PCDHA8: variants seen among roughly 807,000 people sequenced by gnomAD.
PCDHA8 encodes the protein protocadherin alpha 8.
In PCDHA8, 53 loss-of-function variants were observed where a neutral mutation model predicts 61.8. That is an observed-to-expected ratio of 0.86 (90% CI 0.69 to 1.08). The LOEUF (loss-of-function observed/expected upper bound fraction) is 1.08, where lower values mean the gene tolerates loss of function less well. Ranked by LOEUF, PCDHA8 falls within the 50% of genes least tolerant of loss-of-function variation. PCDHA8 has a pLI of 0.00. For synonymous variants in PCDHA8, 618 were observed against 556.6 expected, an observed-to-expected ratio of 1.11 and a Z score of -1.55; for missense variants, 1,293 against 1,245.0, an observed-to-expected ratio of 1.04 and a Z score of -0.58.
Position 140,856,434 on chromosome 5 carries a change from C to T in PCDHA8, c.2394+12719C>T, listed in dbSNP as rs551569829. 39 of 1,598,320 alleles carry T rather than the reference C, an allele frequency of 2.4e-5. 3 individuals carry two copies. The South Asian group carries it at 3.9e-4, about 16-fold the overall frequency. On this transcript the variant is annotated intron_variant, in intron 1 of 3. Coordinates refer to ENST00000531613, the MANE Select transcript of PCDHA8 (RefSeq NM_018911.3). Reference sequence around the variant, plus strand: ...GAAGTGAAGGACATTAACGACAACCCGCCCAGGTTCTCCGTAACAGAACAA... The same window carrying T: ...GAAGTGAAGGACATTAACGACAACCTGCCCAGGTTCTCCGTAACAGAACAA...
At chr5:140,955,207 G>A (rs2153705473) in intron 1 of PCDHA8, among the ~76,000 whole-genome samples, 1 of 152,290 alleles carries the variant, frequency 6.6e-6, no homozygotes, top group South Asian at 2.1e-4. Context: ...CAATCAAGTA[G>A]CATGATGCCT....
intron 1 of PCDHA8, among the ~76,000 whole-genome samples, chr5:140,885,718 C>T (rs2060696401): frequency 6.6e-6 from 1 of 152,124 alleles, no homozygotes; most frequent in South Asian, 2.1e-4. Flanking sequence ...CTAATGTGAT[C>T]TCTGTGAAAT....
intron 1 of PCDHA8, chr5:140,858,052 T>C (rs1281058907): frequency 2.5e-6 from 4 of 1,597,036 alleles, no homozygotes; most frequent in African/African-American, 1.3e-5. Flanking sequence ...TTGTGTCGCT[T>C]GTGGAGGGCA....
At position 140,848,645 on chromosome 5, in the gene PCDHA8, G is replaced by T; in HGVS notation, c.2394+4930G>T. 1.9e-6 allele frequency: 3 copies of T among 1,593,204 alleles called. 1 individual carries two copies. The highest frequency in any genetic ancestry group is 2.6e-6 in the Non-Finnish European group (3 of 1,163,878). Reference sequence around the variant, plus strand: ...GCACCTTCGTGGGCCGCATCGCGCAGGACCTGGGGCTGGAGCTGGCGGAGC... The same window carrying T: ...GCACCTTCGTGGGCCGCATCGCGCATGACCTGGGGCTGGAGCTGGCGGAGC... On this transcript the variant is annotated intron_variant, in intron 1 of 3. Coordinates refer to ENST00000531613, the MANE Select transcript of PCDHA8 (RefSeq NM_018911.3).
intron 1 of PCDHA8, chr5:140,883,477 C>CTACT: frequency 6.2e-7 from 1 of 1,614,172 alleles, no homozygotes; most frequent in Middle Eastern, 1.7e-4. Context: ...CCTACAAGAA[C>CTACT]TACTACTCAT....
chr5:140,968,782 C>G, intron 1 of PCDHA8: 1 of 1,614,192 alleles, frequency 6.2e-7, no homozygotes, highest in South Asian at 1.1e-5. Flanking sequence ...CACTATCAGC[C>G]TCTGTGGCCA....
chr5:140,924,110 CAGTT>C (rs1462987261), intron 1 of PCDHA8, among the ~76,000 whole-genome samples: 2 of 152,206 alleles, frequency 1.3e-5, no homozygotes, highest in Non-Finnish European at 2.9e-5. Flanking sequence ...CATTCCAAAG[CAGTT>C]AGCTTGCTTA....
chr5:140,951,762 A>G (rs2094630710), intron 1 of PCDHA8, among the ~76,000 whole-genome samples: 1 of 152,090 alleles, frequency 6.6e-6, no homozygotes, highest in Non-Finnish European at 1.5e-5. Flanking sequence ...GCGAAATCTC[A>G]TGACGTTCTT....
intron 1 of PCDHA8, among the ~76,000 whole-genome samples, chr5:140,894,986 A>G (rs1380930076): frequency 6.6e-6 from 1 of 152,194 alleles, no homozygotes; most frequent in Non-Finnish European, 1.5e-5. Flanking sequence ...ACTTTGTGAC[A>G]TCCTTTACCC....
rs1490925820 is a variant in PCDHA8, at chr5:140,842,691, A to G, written c.1370A>G (p.Gln457Arg). The change falls in exon 1 of 4, where the codon CAG (glutamine) becomes CGG (arginine). Residue 457 changes from glutamine to arginine, a missense_variant. Coordinates refer to ENST00000531613, the MANE Select transcript of PCDHA8 (RefSeq NM_018911.3). The part of the protein sequence containing the change: ...DVNDNAPAFA[Q>R]PEYTVFVKEN... The stretch of plus-strand genomic sequence containing the variant: ...AACGACAATGCTCCGGCGTTCGCGC[A>G]GCCCGAGTACACGGTGTTCGTGAAG... The G allele has an allele frequency of 1.9e-6, 3 of 1,595,232 alleles. 1 individual carries two copies. Among genetic ancestry groups the G allele is most frequent in the Non-Finnish European group, 2.6e-6 (3 of 1,165,546 alleles).
intron 1 of PCDHA8, among the ~76,000 whole-genome samples, chr5:140,950,648 T>C (rs2153690319): frequency 6.6e-6 from 1 of 152,222 alleles, no homozygotes; most frequent in East Asian, 1.9e-4. Flanking sequence ...CTGTTTATGG[T>C]TGGCTGAGTT....
rs1372096351 is a variant in PCDHA8, at chr5:140,851,273, G to A, written c.2394+7558G>A. 3 of 1,057,916 alleles carry A rather than the reference G, an allele frequency of 2.8e-6. No homozygotes were observed. In the African/African-American group the frequency reaches 5.0e-5, roughly 18 times the overall value. The allele number at this position is 1,057,916 out of a possible 1,614,324, so 65.5% of individuals were successfully genotyped here. On this transcript the variant is annotated intron_variant, in intron 1 of 3. Coordinates refer to ENST00000531613, the MANE Select transcript of PCDHA8 (RefSeq NM_018911.3). ...CATAGTATTTTAGTCTACTTGTATT[G>A]TTTATAAGAAACCCAAGCAAAAATA...
At position 140,857,343 on chromosome 5, in the gene PCDHA8, C is replaced by T. The variant is rs565903992; in HGVS notation, c.2394+13628C>T. 68 of 1,598,512 alleles carry T rather than the reference C, an allele frequency of 4.3e-5. 8 individuals carry two copies. The South Asian group carries it at 4.3e-4, about 10-fold the overall frequency. On this transcript the variant is annotated intron_variant, in intron 1 of 3. Coordinates refer to ENST00000531613, the MANE Select transcript of PCDHA8 (RefSeq NM_018911.3). ...GTGACCGCGCGGGACGGGGGCTCGC[C>T]TCCGCTGTGGGCCACGGCCAGCGTG...
chr5:140,969,238 A>G, intron 1 of PCDHA8: 3 of 1,614,222 alleles, frequency 1.9e-6, no homozygotes, highest in South Asian at 1.1e-5. Flanking sequence ...GAGCCCAAGC[A>G]GCAGTGACTG....
chr5:140,945,153 C>T (rs996541335), intron 1 of PCDHA8, among the ~76,000 whole-genome samples: 1 of 152,064 alleles, frequency 6.6e-6, no homozygotes, highest in African/African-American at 2.4e-5. Flanking sequence ...TTTCTATACA[C>T]TATTGAACTA....
rs180683275 is a variant in PCDHA8 at position 140,985,540 on chromosome 5, T to C, written c.2542+2977T>C. 7.6e-3 allele frequency among the ~76,000 whole-genome samples: 1,162 copies of C among 152,268 alleles called. 7 individuals are homozygous for C. The highest frequency in any genetic ancestry group is 0.012 in the Non-Finnish European group (785 of 68,010). On this transcript the variant is annotated intron_variant, in intron 3 of 3. Coordinates refer to ENST00000531613, the MANE Select transcript of PCDHA8 (RefSeq NM_018911.3). ...TGCCCTTAAAGCTTCACGGTGAAGATGCAGTTGCTTCCAAAAGGCTTCTTT... is the reference window on the plus strand; with the variant it reads ...TGCCCTTAAAGCTTCACGGTGAAGACGCAGTTGCTTCCAAAAGGCTTCTTT...
intron 2 of PCDHA8, among the ~76,000 whole-genome samples, chr5:140,979,831 A>G (rs1401761792): frequency 5.3e-5 from 8 of 152,236 alleles, no homozygotes; most frequent in African/African-American, 1.9e-4. Context: ...TTAAAGAAGA[A>G]ATAATCTTCA....
chr5:141,001,999 A>G (rs1554258445), intron 3 of PCDHA8, among the ~76,000 whole-genome samples: 1 of 152,198 alleles, frequency 6.6e-6, no homozygotes, highest in African/African-American at 2.4e-5. Flanking sequence ...TTCACTTGCA[A>G]ACACAGAATC....
chr5:140,953,938 C>T (rs1349031672), intron 1 of PCDHA8, among the ~76,000 whole-genome samples: 1 of 152,088 alleles, frequency 6.6e-6, no homozygotes, highest in African/African-American at 2.4e-5. Context: ...CTCTCCCTCC[C>T]ATTGCTCCCC....
Sources: allele counts gnomAD v4.1 joint callset (sites outside exome capture counted in the v4.1 genomes callset), GRCh38; gene constraint gnomAD v4.1.1; transcripts MANE v1.5; gene names NCBI Gene and HGNC (gene_info 2026-07-23, HGNC 2026-07-21).